The following EDA variants were observed in gnomAD, a reference collection of about 807,000 sequenced individuals.
The protein encoded by EDA is ectodysplasin-A.
Under a neutral mutation model 23.6 loss-of-function variants are expected in EDA, and 2 were observed. That is an observed-to-expected ratio of 0.08 (90% CI 0.03 to 0.27). The LOEUF (loss-of-function observed/expected upper bound fraction) is 0.27. EDA is among the 10% of genes least tolerant of loss of function. EDA has a pLI of 1.00. For missense variants in EDA, 229 were observed against 324.2 expected, an observed-to-expected ratio of 0.71 and a Z score of 2.26; for synonymous variants, 131 against 132.0, an observed-to-expected ratio of 0.99 and a Z score of 0.05.
intron 1 of EDA, among the ~76,000 whole-genome samples, chrX:69,675,677 T>A (rs1304398193): frequency 9.0e-6 from 1 of 111,342 alleles, no homozygotes; most frequent in East Asian, 2.8e-4. Context: ...ACCAAAGATA[T>A]AGCAGTGAAC....
rs756690830 is a variant in EDA at position 70,036,964 on chromosome X, G to A, written c.*1355G>A. 1 of 112,611 alleles carries A rather than the reference G, an allele frequency of 8.9e-6. No individual in the cohort carries two copies. Among genetic ancestry groups the A allele is most frequent in the East Asian group, 2.8e-4 (1 of 3,559 alleles). The allele number at this position is 112,611 out of a possible 1,213,427, so 9.3% of individuals were successfully genotyped here. A position where few individuals can be genotyped will look rare whatever the true frequency, so the allele number is the denominator to read the frequency against. The stretch of plus-strand genomic sequence containing the variant: ...CAGGCTCAGGAGAAGCCAGTGTCTA[G>A]GCACTGAGCAGGGATCTGCCCCCTA... On this transcript the variant is annotated 3_prime_UTR_variant, in exon 8 of 8. Transcript: ENST00000374552.
chrX:69,866,008 G>A (rs755643236), intron 1 of EDA, among the ~76,000 whole-genome samples: 58 of 112,212 alleles, frequency 5.2e-4, no homozygotes, highest in Non-Finnish European at 7.5e-4. Flanking sequence ...TACAGTCCCC[G>A]TTTCTGCAGC....
intron 1 of EDA, among the ~76,000 whole-genome samples, chrX:69,645,618 G>GTGTATATATATA (rs773369088): frequency 3.0e-5 from 2 of 67,601 alleles, no homozygotes; most frequent in Admixed American, 2.0e-4. Context: ...ATATATATGT[G>GTGTATATATATA]TGTGTATATA....
rs1428780279 is a variant in EDA at position 69,768,830 on chromosome X, G to A, written c.396+152126G>A. Among the ~76,000 whole-genome samples, 3 of 111,057 alleles carry A rather than the reference G, an allele frequency of 2.7e-5. No homozygotes were observed. In the Admixed American group the frequency reaches 2.9e-4, roughly 11 times the overall value. On this transcript the variant is annotated intron_variant, in intron 1 of 7. Coordinates refer to ENST00000374552, the MANE Select transcript of EDA (RefSeq NM_001399.5). ...ACTTTCTTGTTCTTTCCTAACGTAG[G>A]CATTTAGTGCTATAAATTCCCCCAA...
At chrX:69,704,799 G>C (rs976191566) in intron 1 of EDA, among the ~76,000 whole-genome samples, 1 of 111,464 alleles carries the variant, frequency 9.0e-6, no homozygotes, top group African/African-American at 3.3e-5. Flanking sequence ...ACTTATTCTT[G>C]ACAATTCTTG....
intron 1 of EDA, chrX:69,861,111 T>TGTAC: frequency 2.6e-6 from 1 of 386,402 alleles, no homozygotes; most frequent in Non-Finnish European, 4.6e-6. Flanking sequence ...TTCCAAAAGA[T>TGTAC]GTACTTCACA....
At chrX:69,838,209 C>T (rs2016820291) in intron 1 of EDA, among the ~76,000 whole-genome samples, 1 of 112,847 alleles carries the variant, frequency 8.9e-6, no homozygotes, top group Non-Finnish European at 1.9e-5. Context: ...AGTGGTTAGA[C>T]ACTCCTCAGA....
At chrX:69,701,045 C>A (rs1008466087) in intron 1 of EDA, among the ~76,000 whole-genome samples, 1 of 111,541 alleles carries the variant, frequency 9.0e-6, no homozygotes, top group African/African-American at 3.3e-5. Flanking sequence ...ATTCCCACAA[C>A]AGAGACTTGG....
chrX:69,735,370 C>T (rs1181200044), intron 1 of EDA, among the ~76,000 whole-genome samples: 1 of 110,842 alleles, frequency 9.0e-6, no homozygotes, highest in Non-Finnish European at 1.9e-5. Flanking sequence ...TCATATGCTA[C>T]AGCATGGATG....
chrX:69,904,737 T>G (rs2018153432), intron 1 of EDA, among the ~76,000 whole-genome samples: 1 of 111,968 alleles, frequency 8.9e-6, no homozygotes, highest in Non-Finnish European at 1.9e-5. Flanking sequence ...TGAGTTCAAT[T>G]TTTTTTTGTA....
rs4007732 is a variant in EDA, at chrX:69,920,948, CTATTTATTTATTTATTTATTTATT to C, written c.397-36063_397-36040del. Among the ~76,000 whole-genome samples the C allele has an allele frequency of 3.0e-5, 3 of 100,492 alleles. No homozygotes were observed. In the South Asian group the frequency reaches 1.5e-3, roughly 51 times the overall value. The allele number at this position is 100,492 out of a possible 115,157, so 87.3% of individuals were successfully genotyped here. On this transcript the variant is annotated intron_variant, in intron 1 of 7. Transcript: ENST00000374552. ...TGCAGTTGATCTGCCTATTCTGACACTATTTATTTATTTATTTATTTATTTATTTATTTATTTATGTCTAGATAA... is the reference window on the plus strand; with the variant it reads ...TGCAGTTGATCTGCCTATTCTGACACTATTTATTTATTTATGTCTAGATAA...
chrX:70,028,808 G>C (rs2020158170), intron 4 of EDA, among the ~76,000 whole-genome samples: 1 of 112,878 alleles, frequency 8.9e-6, no homozygotes, highest in Non-Finnish European at 1.9e-5. Flanking sequence ...AATGTCAGTT[G>C]TTATTTCTTT....
intron 1 of EDA, among the ~76,000 whole-genome samples, chrX:69,876,634 G>C (rs187477683): frequency 9.0e-6 from 1 of 111,095 alleles, no homozygotes; most frequent in East Asian, 2.8e-4. Flanking sequence ...CTACTTGTCT[G>C]TTTCCTTTCC....
chrX:69,679,251 G>C (rs375777685), intron 1 of EDA, among the ~76,000 whole-genome samples: 1 of 103,057 alleles, frequency 9.7e-6, no homozygotes, highest in African/African-American at 3.5e-5. Context: ...TTTTTGCATC[G>C]ATGTTCATCA....
At chrX:69,750,504 G>C (rs1250573261) in intron 1 of EDA, among the ~76,000 whole-genome samples, 6 of 110,643 alleles carry the variant, frequency 5.4e-5, no homozygotes. Flanking sequence ...TGTCTTTATA[G>C]CAGCATGATT....
chrX:69,772,892 C>G (rs1261616449), intron 1 of EDA, among the ~76,000 whole-genome samples: 1 of 111,624 alleles, frequency 9.0e-6, no homozygotes, highest in Admixed American at 9.6e-5. Context: ...AGATAGGCAT[C>G]TAGGTTGATT....
intron 1 of EDA, among the ~76,000 whole-genome samples, chrX:69,638,936 C>T (rs780646601): frequency 9.1e-6 from 1 of 110,002 alleles, no homozygotes; most frequent in East Asian, 2.9e-4. Context: ...TCCCTACTCT[C>T]CCCTCCCCCC....
chrX:69,926,533 G>A (rs1209904631), intron 1 of EDA, among the ~76,000 whole-genome samples: 1 of 111,629 alleles, frequency 9.0e-6, no homozygotes, highest in Admixed American at 9.5e-5. Flanking sequence ...TGTTTGTTAC[G>A]ATGTCAGTTC....
At chrX:69,878,296 C>T (rs1198046293) in intron 1 of EDA, among the ~76,000 whole-genome samples, 1 of 112,444 alleles carries the variant, frequency 8.9e-6, no homozygotes, top group East Asian at 2.8e-4. Context: ...TCTGGCTCGC[C>T]AAGGGGTGCA....
Sources: gnomAD v4.1 joint callset for allele counts (sites outside exome capture counted in the v4.1 genomes callset) on GRCh38, gnomAD v4.1.1 for gene constraint, MANE v1.5 for transcripts, NCBI Gene and HGNC (gene_info 2026-07-23, HGNC 2026-07-21) for gene names.